Variants in OSBPL10 observed in about 807,000 individuals in gnomAD.
The protein encoded by OSBPL10 is oxysterol binding protein like 10, also known as oxysterol-binding protein-related protein 10.
In OSBPL10, 49 loss-of-function variants were observed where a neutral mutation model predicts 81.7. The ratio of observed to expected loss-of-function variants is 0.60; its 90% confidence interval spans 0.48 to 0.76. The LOEUF (loss-of-function observed/expected upper bound fraction) is 0.76. OSBPL10 is among the 30% of genes least tolerant of loss of function. OSBPL10 has a pLI of 0.00. For synonymous variants in OSBPL10, 419 were observed against 383.6 expected (o/e 1.09, Z -1.08); for missense variants, 923 against 987.8 (o/e 0.93, Z 0.88).
intron 5 of OSBPL10, among the ~76,000 whole-genome samples, chr3:31,743,692 C>T (rs1382678365): frequency 6.6e-6 from 1 of 152,090 alleles, no homozygotes; most frequent in Non-Finnish European, 1.5e-5. Context: ...GATCAGAAGG[C>T]AAAGAGCCAT....
chr3:31,979,108 C>T (rs1202090914), intron 1 of OSBPL10, among the ~76,000 whole-genome samples: 1 of 152,126 alleles, frequency 6.6e-6, no homozygotes, highest in East Asian at 1.9e-4. Context: ...TGACAAGGCA[C>T]CTTGAGTTGC....
At chr3:31,664,496 T>G in intron 10 of OSBPL10, 1 of 564,136 alleles carries the variant, frequency 1.8e-6, no homozygotes, top group South Asian at 2.2e-5. Context: ...TCAAATCTAA[T>G]AGTAGTAGTT....
At chr3:31,987,146 C>G (rs1698946084) in intron 2 of OSBPL10, among the ~76,000 whole-genome samples, 3 of 151,974 alleles carry the variant, frequency 2.0e-5, no homozygotes, top group Admixed American at 2.0e-4. Flanking sequence ...ATATATACAT[C>G]TCCTTCCCTT....
intron 8 of OSBPL10, among the ~76,000 whole-genome samples, chr3:31,675,580 G>A (rs991926340): frequency 3.3e-5 from 5 of 152,136 alleles, no homozygotes; most frequent in African/African-American, 1.2e-4. Flanking sequence ...AAATCCTGAA[G>A]GTTTTATGTC....
chr3:31,673,486 C>CT (rs2125520538), intron 8 of OSBPL10, among the ~76,000 whole-genome samples: 1 of 152,252 alleles, frequency 6.6e-6, no homozygotes, highest in East Asian at 1.9e-4. Flanking sequence ...ACCCCGGTTC[C>CT]TTGGGTGCCA....
At chr3:31,739,942 C>T (rs1050534427) in intron 5 of OSBPL10, among the ~76,000 whole-genome samples, 8 of 152,134 alleles carry the variant, frequency 5.3e-5, no homozygotes, top group Admixed American at 3.3e-4. Context: ...ATCTTTTTAT[C>T]TTAACTACTG....
chr3:31,741,460 C>T lies in OSBPL10; in HGVS notation c.940+6450G>A, dbSNP rs575753008. ...TTGTATTTTTAGTAGAGACAGAGTT[C>T]CACCATGTTGGCCTGGATGATCTTG... is the stretch of plus-strand genomic sequence containing the variant. On this transcript the variant is annotated intron_variant, in intron 5 of 11. Transcript: ENST00000396556. Among the ~76,000 whole-genome samples the T allele has an allele frequency of 3.9e-5, 6 of 152,166 alleles. No homozygotes were observed. The East Asian group carries it at 9.7e-4, about 25-fold the overall frequency.
chr3:31,761,812 C>CT (rs1358517728), intron 4 of OSBPL10, among the ~76,000 whole-genome samples: 3,607 of 51,778 alleles, frequency 0.07, 81 homozygotes, highest in African/African-American at 0.16. Context: ...AAGACTGTCT[C>CT]TAAAAAAAAA....
At chr3:31,676,691 G>A (rs1266602708) in intron 8 of OSBPL10, among the ~76,000 whole-genome samples, 1 of 152,232 alleles carries the variant, frequency 6.6e-6, no homozygotes, top group Non-Finnish European at 1.5e-5. Flanking sequence ...CCTCTCATTA[G>A]AACTAACTGT....
In OSBPL10 at chr3:31,901,493, T is replaced by A. The variant is rs142990783; in HGVS notation, c.282-21663A>T. On this transcript the variant is annotated intron_variant, in intron 1 of 11. Coordinates refer to ENST00000396556, the MANE Select transcript of OSBPL10 (RefSeq NM_017784.5). The stretch of plus-strand genomic sequence containing the variant: ...CTTCCCTACTCTTGGTCTGGCTACT[T>A]CTTACTTGTGCTTTCAGATCCCAGC... Among the ~76,000 whole-genome samples the A allele has an allele frequency of 5.8e-4, 88 of 152,310 alleles. 3 individuals carry two copies. The highest frequency in any genetic ancestry group is 1.9e-3 in the African/African-American group (81 of 41,558).
intron 1 of OSBPL10, among the ~76,000 whole-genome samples, chr3:31,902,452 G>A (rs767337904): frequency 7.9e-5 from 12 of 151,822 alleles, no homozygotes; most frequent in African/African-American, 1.7e-4. Context: ...TAGTAGAGAC[G>A]GGGTTTCACC....
chr3:31,682,803 A>T (rs1449372587), intron 8 of OSBPL10, among the ~76,000 whole-genome samples: 1 of 152,230 alleles, frequency 6.6e-6, no homozygotes, highest in Non-Finnish European at 1.5e-5. Flanking sequence ...TTGCTCAAGT[A>T]ACCACAGCTC....
rs184640048 is a variant in OSBPL10, at chr3:31,838,367, C to T, written c.538-8136G>A. ...TTACTAAGAATACAAAAAAATTAGC[C>T]GGGCGTGGTGGCGGCAGCCTGTAGT... On this transcript the variant is annotated intron_variant, in intron 3 of 11. Coordinates refer to ENST00000396556, the MANE Select transcript of OSBPL10 (RefSeq NM_017784.5). Among the ~76,000 whole-genome samples, 1,048 of 152,002 alleles carry T rather than the reference C, an allele frequency of 6.9e-3. 14 individuals carry two copies. The highest frequency in any genetic ancestry group is 0.024 in the African/African-American group (1,011 of 41,462).
intron 3 of OSBPL10, among the ~76,000 whole-genome samples, chr3:31,839,397 T>A (rs1299020160): frequency 6.6e-6 from 1 of 152,002 alleles, no homozygotes; most frequent in Admixed American, 6.6e-5. Context: ...AGTACAACAA[T>A]AAGCAAAACA....
intron 4 of OSBPL10, among the ~76,000 whole-genome samples, chr3:31,803,666 A>G (rs1392056380): frequency 2.0e-5 from 3 of 152,126 alleles, no homozygotes; most frequent in Admixed American, 6.6e-5. Flanking sequence ...CAGTTTTCCC[A>G]CTAATAGCTT....
intron 1 of OSBPL10, among the ~76,000 whole-genome samples, chr3:32,059,658 C>A (rs956091600): frequency 1.3e-5 from 2 of 151,988 alleles, no homozygotes; most frequent in African/African-American, 4.8e-5. Context: ...TGGGTCAGAT[C>A]TGTAATCCTA....
intron 1 of OSBPL10, among the ~76,000 whole-genome samples, chr3:31,946,506 A>G (rs1697706950): frequency 6.6e-6 from 1 of 152,130 alleles, no homozygotes; most frequent in South Asian, 2.1e-4. Flanking sequence ...TGAAGCAATG[A>G]CATAATGATG....
chr3:31,808,919 A>G (rs1269529590), intron 4 of OSBPL10, among the ~76,000 whole-genome samples: 3 of 152,236 alleles, frequency 2.0e-5, no homozygotes, highest in Non-Finnish European at 4.4e-5. Context: ...TATCAAAGGA[A>G]TCAATTAATA....
At chr3:31,678,781 A>AGTGTGTGTGT (rs1559411581) in intron 8 of OSBPL10, among the ~76,000 whole-genome samples, 14 of 99,212 alleles carry the variant, frequency 1.4e-4, no homozygotes, top group African/African-American at 5.9e-4. Flanking sequence ...ACAGATTCAA[A>AGTGTGTGTGT]CTGTGTGTGT....
Sources: gnomAD v4.1 joint callset for allele counts (sites outside exome capture counted in the v4.1 genomes callset) on GRCh38, gnomAD v4.1.1 for gene constraint, MANE v1.5 for transcripts, NCBI Gene and HGNC (gene_info 2026-07-23, HGNC 2026-07-21) for gene names.